DGKB: variants seen among roughly 807,000 people sequenced by gnomAD.
DGKB encodes the protein 90 kDa diacylglycerol kinase.
A neutral mutation model predicts 114.3 loss-of-function variants in DGKB; 67 were observed. The observed-to-expected ratio is 0.59, with a 90% confidence interval of 0.48 to 0.72. The LOEUF (loss-of-function observed/expected upper bound fraction) is 0.72, where lower values mean the gene tolerates loss of function less well. Among genes scored for constraint, DGKB ranks in the 30% least tolerant of loss-of-function variants. DGKB has a pLI of 0.00. For synonymous variants in DGKB, 398 were observed against 323.1 expected (o/e 1.23, Z -2.49); for missense variants, 907 against 975.2 (o/e 0.93, Z 0.93).
chr7:14,627,967 A>C (rs1476943210), intron 14 of DGKB, among the ~76,000 whole-genome samples: 1 of 151,214 alleles, frequency 6.6e-6, no homozygotes, highest in Non-Finnish European at 1.5e-5. Context: ...AAAAAACAAC[A>C]AAAAAAACCA....
intron 1 of DGKB, among the ~76,000 whole-genome samples, chr7:14,895,839 A>T (rs576477176): frequency 3.4e-4 from 51 of 151,848 alleles, no homozygotes; most frequent in Non-Finnish European, 6.6e-4. Flanking sequence ...AAGGCAAGAC[A>T]AGTGAGAATT....
chr7:14,669,941 C>T (rs1464677751), intron 13 of DGKB, among the ~76,000 whole-genome samples: 4 of 152,030 alleles, frequency 2.6e-5, no homozygotes, highest in Admixed American at 2.6e-4. Context: ...CCTGAAGTAA[C>T]ATGATGTTAA....
intron 23 of DGKB, among the ~76,000 whole-genome samples, chr7:14,229,056 T>C (rs932217886): frequency 6.6e-6 from 1 of 151,900 alleles, no homozygotes; most frequent in African/African-American, 2.4e-5. Flanking sequence ...TATGAGAAAA[T>C]CTATTCTACA....
At chr7:14,337,448 G>A (rs1260366040) in intron 23 of DGKB, among the ~76,000 whole-genome samples, 1 of 152,062 alleles carries the variant, frequency 6.6e-6, no homozygotes, top group African/African-American at 2.4e-5. Flanking sequence ...GTTGTGATAA[G>A]CATTTCTTTC....
chr7:14,847,548 G>A (rs1206979840), intron 1 of DGKB, among the ~76,000 whole-genome samples: 1 of 152,158 alleles, frequency 6.6e-6, no homozygotes, highest in Non-Finnish European at 1.5e-5. Context: ...TGAATGAGAT[G>A]CAAGGCATCA....
rs577789619 is a variant in DGKB, at chr7:14,769,582, A to G, written c.71-11851T>C. Among the ~76,000 whole-genome samples the G allele has an allele frequency of 5.9e-5, 9 of 152,142 alleles. No homozygotes were observed. The South Asian group carries it at 1.2e-3, about 21-fold the overall frequency. On this transcript the variant is annotated intron_variant, in intron 2 of 25. Transcript: ENST00000402815. ...TAAAATCTGCCAAAGGAAAGCGAAC[A>G]CTATTTATTTGTTTCCTAGGGCTGC...
intron 17 of DGKB, among the ~76,000 whole-genome samples, chr7:14,599,257 G>T (rs180682963): frequency 7.9e-5 from 12 of 152,270 alleles, no homozygotes; most frequent in African/African-American, 2.6e-4. Context: ...TGGGCCAGAT[G>T]CTAGGACACC....
chr7:14,852,487 C>CAAAAAAAAAACAACAAAAA lies in DGKB; in HGVS notation c.-187-11038_-187-11037insTTTTTGTTGTTTTTTTTTT, dbSNP rs1554304256. ...GAGGAATAGCTAAAATAGTGAAAGT[C>CAAAAAAAAAACAACAAAAA]AAAAAAAAAACAGAAATCAAGCATA... On this transcript the variant is annotated intron_variant, in intron 1 of 25. Transcript: ENST00000402815. Among the ~76,000 whole-genome samples the CAAAAAAAAAACAACAAAAA allele has an allele frequency of 4.7e-5, 3 of 63,618 alleles. 1 individual carries two copies. The highest frequency in any genetic ancestry group is 5.9e-5 in the Non-Finnish European group (2 of 33,826). 41.7% of individuals were successfully genotyped at this position (63,618 alleles called of 152,430 possible).
intron 23 of DGKB, among the ~76,000 whole-genome samples, chr7:14,212,449 G>GATATTTACTCTCGTGTTTTGTGATAT (rs1355842044): frequency 1.3e-5 from 2 of 151,212 alleles, no homozygotes; most frequent in Non-Finnish European, 3.0e-5. Context: ...CATGTTTTGT[G>GATATTTACTCTCGTGTTTTGTGATAT]TTCCTCTACA....
chr7:14,819,806 G>C (rs1844660965), intron 2 of DGKB, among the ~76,000 whole-genome samples: 1 of 151,790 alleles, frequency 6.6e-6, no homozygotes, highest in Non-Finnish European at 1.5e-5. Flanking sequence ...ATATCTTTAA[G>C]AGTCAAAAAA....
chr7:14,304,087 A>ACACACACACACACACTCTCTCTCT (rs140836395), intron 23 of DGKB, among the ~76,000 whole-genome samples: 1 of 110,072 alleles, frequency 9.1e-6, no homozygotes, highest in East Asian at 2.8e-4. Flanking sequence ...ACACACACAC[A>ACACACACACACACACTCTCTCTCT]CTCTCTCTCT....
chr7:14,376,965 G>A (rs1818587152), intron 21 of DGKB, among the ~76,000 whole-genome samples: 1 of 152,176 alleles, frequency 6.6e-6, no homozygotes, highest in Non-Finnish European at 1.5e-5. Context: ...GACCCATACT[G>A]CAAGGCCACA....
chr7:14,567,094 T>TTA (rs987380412), intron 20 of DGKB, among the ~76,000 whole-genome samples: 18 of 121,154 alleles, frequency 1.5e-4, no homozygotes, highest in Non-Finnish European at 2.6e-4. Flanking sequence ...AATTATCCAT[T>TTA]TATATATATG....
At chr7:14,635,354 A>C (rs1341375589) in intron 13 of DGKB, among the ~76,000 whole-genome samples, 1 of 90,572 alleles carries the variant, frequency 1.1e-5, no homozygotes, top group Non-Finnish European at 2.2e-5. Flanking sequence ...GCTATTAGAG[A>C]CACAGAAGAA....
At chr7:14,263,198 C>T (rs180684483) in intron 23 of DGKB, among the ~76,000 whole-genome samples, 7 of 152,152 alleles carry the variant, frequency 4.6e-5, no homozygotes, top group East Asian at 3.9e-4. Flanking sequence ...TCTATGTGCC[C>T]GAGTAAACTG....
intron 23 of DGKB, among the ~76,000 whole-genome samples, chr7:14,208,209 A>G (rs1021504001): frequency 3.9e-5 from 6 of 152,052 alleles, no homozygotes; most frequent in African/African-American, 1.2e-4. Context: ...GCTTGGCCCA[A>G]GACAGACCTT....
chr7:14,491,556 C>A (rs1304234463), intron 20 of DGKB, among the ~76,000 whole-genome samples: 1 of 152,080 alleles, frequency 6.6e-6, no homozygotes, highest in Non-Finnish European at 1.5e-5. Flanking sequence ...CTGCTTTTCT[C>A]TAAGGTATTT....
At chr7:14,661,521 G>A (rs2128924500) in intron 13 of DGKB, among the ~76,000 whole-genome samples, 1 of 149,212 alleles carries the variant, frequency 6.7e-6, no homozygotes, top group East Asian at 2.0e-4. Context: ...TCTCACACCA[G>A]TTAGAATGGC....
intron 21 of DGKB, among the ~76,000 whole-genome samples, chr7:14,460,767 T>C (rs1241247273): frequency 5.3e-5 from 8 of 152,156 alleles, no homozygotes. Context: ...AATAGACATC[T>C]ACAGAATTCT....
Sources: gnomAD v4.1 joint callset for allele counts (sites outside exome capture counted in the v4.1 genomes callset) on GRCh38, gnomAD v4.1.1 for gene constraint, MANE v1.5 for transcripts, NCBI Gene and HGNC (gene_info 2026-07-23, HGNC 2026-07-21) for gene names.